Variants in GDI2 observed in about 807,000 individuals in gnomAD.
GDI2 encodes GDP dissociation inhibitor 2.
A neutral mutation model predicts 54.2 loss-of-function variants in GDI2; 22 were observed. The observed-to-expected ratio is 0.41, with a 90% CI of 0.29 to 0.58. The LOEUF (loss-of-function observed/expected upper bound fraction) is 0.58, where lower values mean the gene tolerates loss of function less well. Among genes scored for constraint, GDI2 ranks in the 20% least tolerant of loss-of-function variants. GDI2 has a pLI of 0.35. For missense variants in GDI2, 422 were observed against 546.0 expected (o/e 0.77, Z 2.26); for synonymous variants, 177 against 182.1 (o/e 0.97, Z 0.23).
intron 4 of GDI2, among the ~76,000 whole-genome samples, chr10:5,794,188 A>AAAAAAAAAAAAAAAATAT (rs1448053813): frequency 2.5e-5 from 1 of 40,340 alleles, no homozygotes; most frequent in African/African-American, 1.0e-4. Flanking sequence ...AAAAAAAAAA[A>AAAAAAAAAAAAAAAATAT]ATATATATAT....
intron 1 of GDI2, among the ~76,000 whole-genome samples, chr10:5,811,342 C>G (rs968938530): frequency 6.6e-6 from 1 of 152,124 alleles, no homozygotes; most frequent in Admixed American, 6.6e-5. Flanking sequence ...TACCATTCAT[C>G]AAAGAGTTCA....
Position 5,766,337 on chromosome 10 carries a change from C to G in GDI2, c.1137-42G>C. 1 of 1,549,876 alleles carries G rather than the reference C, an allele frequency of 6.5e-7. No homozygotes were observed. Among genetic ancestry groups the G allele is most frequent in the Non-Finnish European group, 8.9e-7 (1 of 1,121,372 alleles). ...TTCAGTCAGGTGAGCTGGTCCCACACCTGACCATGGCTCTGCCTGAGGTCA... is the reference window on the plus strand; with the variant it reads ...TTCAGTCAGGTGAGCTGGTCCCACAGCTGACCATGGCTCTGCCTGAGGTCA... On this transcript the variant is annotated intron_variant, in intron 9 of 10. Coordinates refer to ENST00000380191, the MANE Select transcript of GDI2 (RefSeq NM_001494.4). The surrounding 1 kb of genome is among the most constrained non-coding windows in gnomAD (Gnocchi z 5.8).
chr10:5,765,644 GAC>G lies in GDI2; in HGVS notation c.*360_*361del, dbSNP rs1338778897. ...TCTCCTGAACCTCAAGAGGACAGAT[GAC>G]ACACAACCTGTATGGATCCAGCTCT... On this transcript the variant is annotated 3_prime_UTR_variant, in exon 11 of 11. Coordinates refer to ENST00000380191, the MANE Select transcript of GDI2 (RefSeq NM_001494.4). 5.9e-6 allele frequency: 1 copy of G among 169,316 alleles called. No homozygotes were observed. The highest frequency in any genetic ancestry group is 1.2e-5 in the Non-Finnish European group (1 of 80,396). 10.5% of individuals were successfully genotyped at this position (169,316 alleles called of 1,614,324 possible).
rs758746730 is a variant in GDI2, at chr10:5,766,095, T to C, written c.1249A>G (p.Ile417Val). 1 of 1,609,628 alleles carries C rather than the reference T, an allele frequency of 6.2e-7. No individual in the cohort carries two copies. The highest frequency in any genetic ancestry group is 1.3e-5 in the African/African-American group (1 of 74,516). The change falls in exon 11 of 11, where the codon ATT becomes GTT. Residue 417 changes from isoleucine (I) to valine (V), a missense_variant. By Grantham distance (29) the Ile-to-Val change is conservative. Coordinates refer to ENST00000380191, the MANE Select transcript of GDI2 (RefSeq NM_001494.4). The surrounding 1 kb of genome is among the most constrained non-coding windows in gnomAD (Gnocchi z 5.8). ...GTCATCCTCTTATAGATGTTTTTAA[T>C]GTCATCACACGTTGTCTCAAAATGA... ...TTHFETTCDD[I>V]KNIYKRMTGS...
chr10:5,805,024 G>T (rs1361335789), intron 1 of GDI2, among the ~76,000 whole-genome samples: 10 of 151,920 alleles, frequency 6.6e-5, no homozygotes, highest in Admixed American at 6.6e-4. Flanking sequence ...AGTACAGATG[G>T]GGTTTCACCA....
chr10:5,768,318 G>C lies in GDI2; in HGVS notation c.886C>G (p.Gln296Glu). The change falls in exon 8 of 11, where the codon CAG becomes GAG. Residue 296 changes from glutamine (Q) to glutamate (E), a missense_variant. Physicochemically the swap from Gln to Glu is conservative, Grantham distance 29. Transcript: ENST00000380191. This position sits in a 1 kb window ranked among gnomAD's most constrained non-coding sequence, Gnocchi z 4.4. ...YVKDRVEKVGQVIRVICILSH... is the reference protein window; with the variant it reads ...YVKDRVEKVGEVIRVICILSH... ...AGGATGCAAATAACTCTGATCACCT[G>C]GCCCACTTTTTCTACCCGATCTTTT... 1 of 1,612,068 alleles carries C rather than the reference G, an allele frequency of 6.2e-7. No homozygotes were observed. Among genetic ancestry groups the C allele is most frequent in the Non-Finnish European group, 8.5e-7 (1 of 1,178,118 alleles).
Position 5,773,908 on chromosome 10 carries a change from C to G in GDI2, c.753G>C (p.Leu251=), listed in dbSNP as rs1564389098. The G allele has an allele frequency of 6.4e-7, 1 of 1,552,172 alleles. No homozygotes were observed. Among genetic ancestry groups the G allele is most frequent in the Non-Finnish European group, 8.9e-7 (1 of 1,127,946 alleles). ...CAATGATTTCTTCAATGGGTTTATTCAGCATATAGGTACCTCCATAAATAG... is the reference window on the plus strand; with the variant it reads ...CAATGATTTCTTCAATGGGTTTATTGAGCATATAGGTACCTCCATAAATAG... ...LSAIYGGTYM[L]NKPIEEIIVQ... is the part of the protein sequence containing the mutation. The change falls in exon 7 of 11, where the codon CTG becomes CTC. Residue 251 remains leucine, a synonymous_variant. Transcript: ENST00000380191.
rs1840586904 is a variant in GDI2, at chr10:5,774,968, C to T, written c.720-1027G>A. Among the ~76,000 whole-genome samples, 1 of 152,154 alleles carries T rather than the reference C, an allele frequency of 6.6e-6. No homozygotes were observed. The highest frequency in any genetic ancestry group is 1.5e-5 in the Non-Finnish European group (1 of 68,030). On this transcript the variant is annotated intron_variant, in intron 6 of 10. Coordinates refer to ENST00000380191, the MANE Select transcript of GDI2 (RefSeq NM_001494.4). The surrounding 1 kb of genome is among the most constrained non-coding windows in gnomAD (Gnocchi z 4.8). ...TAGCTATATTAGTCTAATCCTCTGG[C>T]ATATAAATAAAACTATGGACTTAAA...
chr10:5,776,504 G>A lies in GDI2; in HGVS notation c.720-2563C>T, dbSNP rs927628029. 5.7e-5 allele frequency: 76 copies of A among 1,344,384 alleles called. No homozygotes were observed. Among genetic ancestry groups the A allele is most frequent in the South Asian group, 7.1e-5 (6 of 84,896 alleles). The allele number at this position is 1,344,384 out of a possible 1,614,324, so 83.3% of individuals were successfully genotyped here. The stretch of plus-strand genomic sequence containing the variant: ...AGCCATGTATTAGAAGCAAAGGCCC[G>A]AAAGATAAAACAATTATAGAGAAGC... On this transcript the variant is annotated intron_variant, in intron 6 of 10. Transcript: ENST00000380191. This position sits in a 1 kb window ranked among gnomAD's most constrained non-coding sequence, Gnocchi z 5.3.
chr10:5,798,952 C>T (rs2131712785), intron 2 of GDI2, among the ~76,000 whole-genome samples: 1 of 151,730 alleles, frequency 6.6e-6, no homozygotes, highest in African/African-American at 2.4e-5. Flanking sequence ...TCAGCTTGGA[C>T]AACAGAGCAA....
intron 6 of GDI2, among the ~76,000 whole-genome samples, chr10:5,780,421 G>A (rs1840730318): frequency 6.6e-6 from 1 of 151,966 alleles, no homozygotes; most frequent in African/African-American, 2.4e-5. Flanking sequence ...CCTAACAAGT[G>A]CAATAAAGGT....
At chr10:5,769,368 TG>T (rs767783927) in intron 7 of GDI2, 1 of 152,062 alleles carries the variant, frequency 6.6e-6, no homozygotes, top group Non-Finnish European at 1.5e-5. Context: ...GGTCAGGAGT[TG>T]GAGACCAGCC....
At position 5,768,005 on chromosome 10, in the gene GDI2, C is replaced by T. The variant is rs750505713; in HGVS notation, c.991+208G>A. Among the ~76,000 whole-genome samples the T allele has an allele frequency of 9.2e-5, 14 of 152,170 alleles. No homozygotes were observed. Among genetic ancestry groups the T allele is most frequent in the Non-Finnish European group, 2.1e-4 (14 of 68,036 alleles). On this transcript the variant is annotated intron_variant, in intron 8 of 10. Coordinates refer to ENST00000380191, the MANE Select transcript of GDI2 (RefSeq NM_001494.4). The surrounding 1 kb of genome is among the most constrained non-coding windows in gnomAD (Gnocchi z 4.4). ...GTCTGTTCATTCTACAGGTGATGGACACAAGTCCAAGGCTGGCTCCGAGTT... is the reference window on the plus strand; with the variant it reads ...GTCTGTTCATTCTACAGGTGATGGATACAAGTCCAAGGCTGGCTCCGAGTT...
At position 5,765,287 on chromosome 10, in the gene GDI2, G is replaced by C. The variant is rs994721453; in HGVS notation, c.*719C>G. ...CATTTGGAGCCATTTTGAGACAGAAGTAGAGGCTCTGTCAAGTCAATACTG... is the reference window on the plus strand; with the variant it reads ...CATTTGGAGCCATTTTGAGACAGAACTAGAGGCTCTGTCAAGTCAATACTG... On this transcript the variant is annotated 3_prime_UTR_variant, in exon 11 of 11. Coordinates refer to ENST00000380191, the MANE Select transcript of GDI2 (RefSeq NM_001494.4). 1 of 152,668 alleles carries C rather than the reference G, an allele frequency of 6.6e-6. No individual in the cohort carries two copies. Among genetic ancestry groups the C allele is most frequent in the African/African-American group, 2.4e-5 (1 of 41,458 alleles). 9.5% of individuals were successfully genotyped at this position (152,668 alleles called of 1,614,324 possible).
At chr10:5,770,137 T>C (rs1290159453) in intron 7 of GDI2, among the ~76,000 whole-genome samples, 2 of 152,208 alleles carry the variant, frequency 1.3e-5, no homozygotes, top group Non-Finnish European at 2.9e-5. Context: ...AGAAGGCAAA[T>C]ACTATATTAT....
intron 1 of GDI2, among the ~76,000 whole-genome samples, chr10:5,809,103 G>C (rs1841437504): frequency 6.6e-6 from 1 of 151,924 alleles, no homozygotes; most frequent in African/African-American, 2.4e-5. Context: ...ATATTAGCTG[G>C]GCATGGTGGC....
intron 7 of GDI2, among the ~76,000 whole-genome samples, chr10:5,772,012 C>A (rs888357334): frequency 5.9e-5 from 9 of 152,082 alleles, no homozygotes; most frequent in African/African-American, 9.7e-5. Context: ...ATCACTTGAA[C>A]CCGGAAGGCA....
intron 7 of GDI2, among the ~76,000 whole-genome samples, chr10:5,770,475 T>G (rs1446126723): frequency 2.6e-5 from 4 of 151,792 alleles, no homozygotes; most frequent in Non-Finnish European, 4.4e-5. Flanking sequence ...GGCAGGAGAA[T>G]CACTTGAATA....
At chr10:5,793,956 G>A (rs1564395832) in intron 4 of GDI2, among the ~76,000 whole-genome samples, 1 of 151,612 alleles carries the variant, frequency 6.6e-6, no homozygotes, top group African/African-American at 2.4e-5. Context: ...CTGAGGTCAG[G>A]AGTTCAAGAC....
Sources: allele counts gnomAD v4.1 joint callset (sites outside exome capture counted in the v4.1 genomes callset), GRCh38; gene constraint gnomAD v4.1.1; non-coding constraint Gnocchi (gnomAD v3.1); transcripts MANE v1.5; gene names NCBI Gene and HGNC (gene_info 2026-07-23, HGNC 2026-07-21).